The following CTNND2 variants were observed in gnomAD, a reference collection of about 807,000 sequenced individuals.
The protein encoded by CTNND2 is catenin delta-2.
In CTNND2, 22 loss-of-function variants were observed where a neutral mutation model predicts 144.4. The ratio of observed to expected loss-of-function variants is 0.15; its 90% CI spans 0.11 to 0.22. The LOEUF (loss-of-function observed/expected upper bound fraction) is 0.22, where lower values mean the gene tolerates loss of function less well. Ranked by LOEUF, CTNND2 falls within the 10% of genes least tolerant of loss-of-function variation. The pLI is 1.00. For missense variants in CTNND2, 1,353 were observed against 1,618.8 expected (o/e 0.84, Z 2.82); for synonymous variants, 751 against 695.6 (o/e 1.08, Z -1.25).
At chr5:11,352,104 C>T (rs889941864) in intron 8 of CTNND2, among the ~76,000 whole-genome samples, 4 of 152,102 alleles carry the variant, frequency 2.6e-5, no homozygotes, top group Admixed American at 6.5e-5. Flanking sequence ...TTTGAACATA[C>T]AAAATTTAAA....
intron 1 of CTNND2, among the ~76,000 whole-genome samples, chr5:11,817,975 T>C (rs952887305): frequency 9.8e-5 from 13 of 132,306 alleles, no homozygotes; most frequent in South Asian, 5.1e-4. Flanking sequence ...ATACGTATTA[T>C]GAGGTGTTTT....
intron 7 of CTNND2, among the ~76,000 whole-genome samples, chr5:11,372,811 C>T (rs373083273): frequency 1.2e-4 from 19 of 152,282 alleles, no homozygotes; most frequent in East Asian, 5.8e-4. Flanking sequence ...GCAATGCTGG[C>T]GCTGCTGGTC....
At chr5:11,036,140 C>T (rs531646801) in intron 16 of CTNND2, among the ~76,000 whole-genome samples, 7 of 150,606 alleles carry the variant, frequency 4.6e-5, no homozygotes, top group African/African-American at 9.7e-5. Context: ...TTTTTTTTTG[C>T]GCTTTTGTTA....
At chr5:11,145,146 T>C (rs894432693) in intron 12 of CTNND2, among the ~76,000 whole-genome samples, 3 of 152,092 alleles carry the variant, frequency 2.0e-5, no homozygotes, top group African/African-American at 7.2e-5. Flanking sequence ...ATAAAATATA[T>C]ATTATATAAA....
intron 20 of CTNND2, among the ~76,000 whole-genome samples, chr5:10,987,305 G>A (rs181732949): frequency 2.6e-5 from 4 of 152,302 alleles, no homozygotes; most frequent in Admixed American, 6.5e-5. Flanking sequence ...TGTACAAGAC[G>A]TACAGACTAT....
intron 11 of CTNND2, among the ~76,000 whole-genome samples, chr5:11,180,309 A>G (rs1301614294): frequency 6.6e-6 from 1 of 152,128 alleles, no homozygotes; most frequent in Non-Finnish European, 1.5e-5. Context: ...AGCCATGTGG[A>G]ACTGTGAGTT....
At chr5:11,086,148 A>G (rs568055904) in intron 15 of CTNND2, among the ~76,000 whole-genome samples, 1 of 152,282 alleles carries the variant, frequency 6.6e-6, no homozygotes, top group South Asian at 2.1e-4. Context: ...GAGGAGACAC[A>G]TCAGTGGAGC....
At chr5:11,219,558 G>C (rs1391321535) in intron 10 of CTNND2, among the ~76,000 whole-genome samples, 2 of 152,172 alleles carry the variant, frequency 1.3e-5, no homozygotes, top group Non-Finnish European at 2.9e-5. Context: ...AAGGGACTTT[G>C]CTGCTGTGAT....
chr5:11,359,408 C>T (rs76763333), intron 8 of CTNND2, among the ~76,000 whole-genome samples: 1,751 of 152,248 alleles, frequency 0.012, 36 homozygotes, highest in African/African-American at 0.04. Flanking sequence ...GGTGGCCTTC[C>T]TCTCTGTTAT....
At chr5:11,409,216 A>G (rs1761327387) in intron 5 of CTNND2, among the ~76,000 whole-genome samples, 1 of 151,944 alleles carries the variant, frequency 6.6e-6, no homozygotes, top group Non-Finnish European at 1.5e-5. Context: ...TAGTTTTAAT[A>G]TTAGTACATT....
At chr5:11,739,103 G>C (rs1787854601) in intron 1 of CTNND2, among the ~76,000 whole-genome samples, 1 of 152,182 alleles carries the variant, frequency 6.6e-6, no homozygotes. Flanking sequence ...CAGAGCTAGA[G>C]ATGGCCAGTG....
intron 2 of CTNND2, among the ~76,000 whole-genome samples, chr5:11,713,594 A>G (rs1414953920): frequency 6.6e-6 from 1 of 151,096 alleles, no homozygotes; most frequent in Non-Finnish European, 1.5e-5. Flanking sequence ...AAAAAAAAAA[A>G]AAAAAAAAAA....
At chr5:11,300,034 C>A (rs1300175889) in intron 9 of CTNND2, among the ~76,000 whole-genome samples, 2 of 152,160 alleles carry the variant, frequency 1.3e-5, no homozygotes, top group African/African-American at 4.8e-5. Flanking sequence ...CTATTGTATT[C>A]ATTTATATAC....
chr5:11,783,427 A>G (rs1253783039), intron 1 of CTNND2, among the ~76,000 whole-genome samples: 1 of 151,956 alleles, frequency 6.6e-6, no homozygotes, highest in African/African-American at 2.4e-5. Flanking sequence ...CCTCTTCATA[A>G]TTTGTTAAGT....
chr5:11,686,982 C>T (rs941884990), intron 2 of CTNND2, among the ~76,000 whole-genome samples: 4 of 151,796 alleles, frequency 2.6e-5, no homozygotes, highest in Non-Finnish European at 5.9e-5. Flanking sequence ...CCATCCCTCC[C>T]AGGGACGTGC....
At chr5:11,033,135 C>A (rs576879234) in intron 16 of CTNND2, among the ~76,000 whole-genome samples, 2,149 of 152,240 alleles carry the variant, frequency 0.014, 19 homozygotes, top group Non-Finnish European at 0.023. Flanking sequence ...TTAGAAAAGT[C>A]ACACAGAAAT....
At chr5:11,301,710 A>C (rs1357536064) in intron 9 of CTNND2, among the ~76,000 whole-genome samples, 1 of 152,204 alleles carries the variant, frequency 6.6e-6, no homozygotes, top group Non-Finnish European at 1.5e-5. Context: ...GGGTGAAAAC[A>C]TATTTTGTGT....
intron 11 of CTNND2, among the ~76,000 whole-genome samples, chr5:11,188,357 A>G (rs1735869472): frequency 6.6e-6 from 1 of 152,214 alleles, no homozygotes; most frequent in African/African-American, 2.4e-5. Flanking sequence ...ACAAGAACAG[A>G]AAACCAAACA....
At chr5:11,629,941 A>C (rs530489025) in intron 2 of CTNND2, among the ~76,000 whole-genome samples, 204 of 152,304 alleles carry the variant, frequency 1.3e-3, no homozygotes, top group African/African-American at 4.5e-3. Context: ...GAAACTTAAA[A>C]TGCCTCATTT....
Sources: gnomAD v4.1 joint callset for allele counts (sites outside exome capture counted in the v4.1 genomes callset) on GRCh38, gnomAD v4.1.1 for gene constraint, MANE v1.5 for transcripts, NCBI Gene and HGNC (gene_info 2026-07-23, HGNC 2026-07-21) for gene names.